The following RBFOX1 variants were observed in gnomAD, a reference collection of about 807,000 sequenced individuals.
The protein encoded by RBFOX1 is RNA binding fox-1 homolog 1.
In RBFOX1, 8 loss-of-function variants were observed where a neutral mutation model predicts 57.7. The observed-to-expected ratio is 0.14, with a 90% CI of 0.08 to 0.25. The LOEUF is 0.25. Among genes scored for constraint, RBFOX1 ranks in the 10% least tolerant of loss-of-function variants. RBFOX1 has a pLI of 1.00. For missense variants in RBFOX1, 611 were observed against 548.5 expected, an observed-to-expected ratio of 1.11 and a Z score of -1.14; for synonymous variants, 326 against 222.4, an observed-to-expected ratio of 1.47 and a Z score of -4.15.
At chr16:6,649,852 A>G (rs187576625) in intron 2 of RBFOX1, among the ~76,000 whole-genome samples, 6 of 152,144 alleles carry the variant, frequency 3.9e-5, no homozygotes, top group Non-Finnish European at 7.3e-5. Flanking sequence ...TATATTATAT[A>G]TTGTATTCAT....
chr16:7,654,063 C>G (rs545391977), intron 12 of RBFOX1, 116 bp downstream of exon 12: 2 of 1,135,972 alleles, frequency 1.8e-6, no homozygotes, highest in East Asian at 5.5e-5. Flanking sequence ...CCCCCAGAAC[C>G]GCCCCCAGCA....
At chr16:7,679,650 G>T (rs2074242290) in intron 14 of RBFOX1, among the ~76,000 whole-genome samples, 1 of 152,030 alleles carries the variant, frequency 6.6e-6, no homozygotes, top group South Asian at 2.1e-4. Flanking sequence ...GAAAGATTCA[G>T]GGATCTTTGA....
At chr16:6,461,100 T>C (rs1478552457) in intron 2 of RBFOX1, among the ~76,000 whole-genome samples, 1 of 151,944 alleles carries the variant, frequency 6.6e-6, no homozygotes, top group East Asian at 1.9e-4. Flanking sequence ...CTAGAGCCTG[T>C]TGGGAGAGGG....
intron 1 of RBFOX1, among the ~76,000 whole-genome samples, chr16:6,292,943 A>G (rs2077624375): frequency 6.6e-6 from 1 of 152,184 alleles, no homozygotes; most frequent in African/African-American, 2.4e-5. Context: ...CCTTAAGTAC[A>G]CACAGTGATA....
At chr16:7,064,756 G>C (rs2055523291) in intron 4 of RBFOX1, among the ~76,000 whole-genome samples, 1 of 152,142 alleles carries the variant, frequency 6.6e-6, no homozygotes, top group Non-Finnish European at 1.5e-5. Context: ...AAAAGCAAAT[G>C]AACAACCAAC....
chr16:7,504,735 ATATATATATATATATATATT>A (rs2072335796), intron 4 of RBFOX1, among the ~76,000 whole-genome samples: 2 of 13,130 alleles, frequency 1.5e-4, no homozygotes, highest in African/African-American at 5.3e-4. Flanking sequence ...ATATATATAT[ATATATATATATATATATATT>A]TATATATATA....
At chr16:6,580,494 G>T (rs1420062) in intron 2 of RBFOX1, among the ~76,000 whole-genome samples, 13,989 of 152,140 alleles carry the variant, frequency 0.092, 998 homozygotes, top group East Asian at 0.38. Context: ...TAAAAACTCC[G>T]TAAGACATAA....
chr16:5,246,894 CT>C (rs957826293), intron 1 of RBFOX1, among the ~76,000 whole-genome samples: 1 of 152,180 alleles, frequency 6.6e-6, no homozygotes, highest in Admixed American at 6.5e-5. Flanking sequence ...TGGTCCTGAA[CT>C]CCTGGGCTCA....
intron 4 of RBFOX1, among the ~76,000 whole-genome samples, chr16:7,130,499 T>C (rs1405979275): frequency 6.6e-6 from 1 of 152,198 alleles, no homozygotes; most frequent in East Asian, 1.9e-4. Context: ...AGTACTCTAA[T>C]GCCTAACACA....
chr16:7,305,149 T>C lies in RBFOX1; in HGVS notation c.28-212998T>C, dbSNP rs2096147788. On this transcript the variant is annotated intron_variant, in intron 4 of 15. Coordinates refer to ENST00000550418, the MANE Select transcript of RBFOX1 (RefSeq NM_018723.4). ...TGTGTGTGCGTGTGTGGGTTTTTTT[T>C]TCCCTTTCACTTCTCCTTAGTGGTC... is the stretch of plus-strand genomic sequence containing the variant. Among the ~76,000 whole-genome samples, 4 of 152,066 alleles carry C rather than the reference T, an allele frequency of 2.6e-5. No homozygotes were observed. In the South Asian group the frequency reaches 8.3e-4, roughly 32 times the overall value.
intron 4 of RBFOX1, among the ~76,000 whole-genome samples, chr16:7,441,385 G>C (rs1242576832): frequency 6.6e-6 from 1 of 152,170 alleles, no homozygotes; most frequent in Non-Finnish European, 1.5e-5. Flanking sequence ...AAGGATTAGA[G>C]GTAGAGTTTT....
intron 4 of RBFOX1, among the ~76,000 whole-genome samples, chr16:7,153,957 T>C (rs75155713): frequency 0.01 from 1,585 of 152,224 alleles, 19 homozygotes; most frequent in African/African-American, 0.036. Flanking sequence ...AGAATGGAGA[T>C]AAAGAGAAAA....
intron 1 of RBFOX1, among the ~76,000 whole-genome samples, chr16:6,201,628 C>G (rs2097215999): frequency 1.3e-5 from 2 of 151,996 alleles, no homozygotes; most frequent in East Asian, 1.9e-4. Context: ...GTATAGTTAA[C>G]TATATTTTAG....
At chr16:7,152,506 C>G (rs545589404) in intron 4 of RBFOX1, among the ~76,000 whole-genome samples, 2 of 152,174 alleles carry the variant, frequency 1.3e-5, no homozygotes, top group South Asian at 2.1e-4. Context: ...AAAATTGTGG[C>G]CTTATGGTCT....
chr16:7,507,701 C>G (rs1351363369), intron 4 of RBFOX1, among the ~76,000 whole-genome samples: 2 of 150,898 alleles, frequency 1.3e-5, no homozygotes, highest in African/African-American at 2.4e-5. Flanking sequence ...GTAGCTGGGA[C>G]TACAGGCGCC....
At chr16:5,981,096 G>C (rs1412097869) in intron 4 of RBFOX1, among the ~76,000 whole-genome samples, 1 of 152,172 alleles carries the variant, frequency 6.6e-6, no homozygotes, top group East Asian at 1.9e-4. Context: ...TTTGATATCA[G>C]TTTGGGAGCT....
In RBFOX1 at chr16:6,865,725, C is replaced by G. The variant is rs754620407; in HGVS notation, c.-15-186332C>G. 9.9e-5 allele frequency among the ~76,000 whole-genome samples: 15 copies of G among 152,050 alleles called. 1 individual carries two copies. The highest frequency in any genetic ancestry group is 2.1e-4 in the Non-Finnish European group (14 of 68,008). ...ACCTTCTCATTTTGCCTCTCATTTG[C>G]TATTTTATCACCTTTCACAAATAGG... is the stretch of plus-strand genomic sequence containing the variant. On this transcript the variant is annotated intron_variant, in intron 3 of 15. Coordinates refer to ENST00000550418, the MANE Select transcript of RBFOX1 (RefSeq NM_018723.4).
chr16:6,288,100 C>T (rs1423480653), intron 1 of RBFOX1, among the ~76,000 whole-genome samples: 1 of 152,172 alleles, frequency 6.6e-6, no homozygotes, highest in African/African-American at 2.4e-5. Flanking sequence ...TAGCTGCGTG[C>T]AGCATCCAGG....
chr16:7,468,072 G>A (rs945599501), intron 4 of RBFOX1, among the ~76,000 whole-genome samples: 4 of 152,234 alleles, frequency 2.6e-5, no homozygotes, highest in African/African-American at 9.6e-5. Flanking sequence ...CAGCTTAGCT[G>A]CTTGCAAATA....
Sources: gnomAD v4.1 joint callset for allele counts (sites outside exome capture counted in the v4.1 genomes callset) on GRCh38, gnomAD v4.1.1 for gene constraint, MANE v1.5 for transcripts, NCBI Gene and HGNC (gene_info 2026-07-23, HGNC 2026-07-21) for gene names.